IPCEF1: variants seen among roughly 807,000 people sequenced by gnomAD.
IPCEF1 encodes the protein interaction protein for cytohesin exchange factors 1.
IPCEF1 carries 31 observed loss-of-function variants against 50.9 expected under a neutral mutation model. The observed-to-expected ratio is 0.61, with a 90% CI of 0.46 to 0.82. IPCEF1 has a LOEUF of 0.82. Ranked by LOEUF, IPCEF1 falls within the 40% of genes least tolerant of loss-of-function variation. IPCEF1 has a pLI of 0.00. For synonymous variants in IPCEF1, 181 were observed against 192.0 expected (o/e 0.94, Z 0.47); for missense variants, 458 against 514.0 (o/e 0.89, Z 1.05).
intron 1 of IPCEF1, among the ~76,000 whole-genome samples, chr6:154,316,698 C>CA (rs1783228210): frequency 6.6e-6 from 1 of 152,134 alleles, no homozygotes; most frequent in South Asian, 2.1e-4. Flanking sequence ...TATTGTACAG[C>CA]ATGGTAAGTA....
chr6:154,169,107 T>A (rs1799666737), intron 10 of IPCEF1, among the ~76,000 whole-genome samples: 1 of 146,352 alleles, frequency 6.8e-6, no homozygotes, highest in Admixed American at 6.8e-5. Flanking sequence ...ACGCCTGTAA[T>A]CCCAACACTT....
chr6:154,324,422 T>C (rs1308857529), intron 1 of IPCEF1, among the ~76,000 whole-genome samples: 1 of 151,922 alleles, frequency 6.6e-6, no homozygotes, highest in Non-Finnish European at 1.5e-5. Context: ...AATAATAAAA[T>C]AAATACATAA....
intron 5 of IPCEF1, among the ~76,000 whole-genome samples, chr6:154,237,829 T>G (rs544179899): frequency 6.6e-6 from 1 of 152,096 alleles, no homozygotes; most frequent in South Asian, 2.1e-4. Context: ...CATATCTATA[T>G]ATATGTTAAT....
intron 10 of IPCEF1, among the ~76,000 whole-genome samples, chr6:154,171,928 A>C (rs1041977588): frequency 2.6e-5 from 4 of 152,214 alleles, no homozygotes; most frequent in Non-Finnish European, 5.9e-5. Context: ...TTTCAATACC[A>C]CAGTATTTTT....
intron 4 of IPCEF1, 170 bp from the exon 5 acceptor site, chr6:154,246,930 C>G: frequency 4.4e-6 from 1 of 228,384 alleles, no homozygotes; most frequent in Admixed American, 1.1e-4. Flanking sequence ...TATGCAAAAC[C>G]AATGCAAAAA....
intron 1 of IPCEF1, among the ~76,000 whole-genome samples, chr6:154,340,343 C>G (rs868782013): frequency 1.3e-5 from 2 of 151,266 alleles, no homozygotes; most frequent in Admixed American, 1.3e-4. Context: ...CTCTGCCTCC[C>G]CGGTTCAAGC....
chr6:154,295,676 G>GT (rs774888763), intron 1 of IPCEF1, among the ~76,000 whole-genome samples: 1 of 152,180 alleles, frequency 6.6e-6, no homozygotes, highest in Non-Finnish European at 1.5e-5. Context: ...TCTCCCTCCA[G>GT]TCCAGCCTTT....
intron 3 of IPCEF1, among the ~76,000 whole-genome samples, chr6:154,253,188 CT>C (rs950806911): frequency 6.6e-6 from 1 of 151,886 alleles, no homozygotes; most frequent in Non-Finnish European, 1.5e-5. Flanking sequence ...CATTTCCTTG[CT>C]TTTTTTGTTG....
At chr6:154,335,779 A>T (rs187823350) in intron 1 of IPCEF1, among the ~76,000 whole-genome samples, 54 of 152,328 alleles carry the variant, frequency 3.5e-4, no homozygotes, top group Admixed American at 2.4e-3. Flanking sequence ...ATAACAAGGA[A>T]CTCACTCAAA....
chr6:154,275,240 C>A (rs867125024), intron 2 of IPCEF1, among the ~76,000 whole-genome samples: 22 of 152,188 alleles, frequency 1.4e-4, no homozygotes, highest in Non-Finnish European at 2.9e-4. Context: ...CTCCAGGAGC[C>A]ACCTCAAAAG....
chr6:154,194,786 A>C (rs1382563646), intron 10 of IPCEF1, among the ~76,000 whole-genome samples: 1 of 149,598 alleles, frequency 6.7e-6, no homozygotes, highest in African/African-American at 2.5e-5. Flanking sequence ...ATGACAACTC[A>C]TAGAGATCTT....
At chr6:154,325,060 G>C (rs1427120730) in intron 1 of IPCEF1, among the ~76,000 whole-genome samples, 1 of 152,100 alleles carries the variant, frequency 6.6e-6, no homozygotes, top group Non-Finnish European at 1.5e-5. Flanking sequence ...AAAGCTTAAA[G>C]AGGCAGTTCA....
intron 11 of IPCEF1, 47 bp from the exon 12 acceptor site, chr6:154,160,087 T>C: frequency 7.2e-7 from 1 of 1,396,778 alleles, no homozygotes; most frequent in Non-Finnish European, 1.0e-6. Context: ...GAGAGTGTCT[T>C]AATTTACATA....
chr6:154,222,956 G>T (rs1247278866), intron 6 of IPCEF1: 11 of 584,416 alleles, frequency 1.9e-5, no homozygotes, highest in Non-Finnish European at 3.4e-5. Flanking sequence ...CTTCGTGGGG[G>T]TTTTAAAATC....
intron 5 of IPCEF1, among the ~76,000 whole-genome samples, chr6:154,238,334 C>A (rs892513082): frequency 5.9e-5 from 9 of 152,290 alleles, no homozygotes; most frequent in Admixed American, 2.0e-4. Context: ...CGGCTCACTG[C>A]AACCTCTGCC....
At chr6:154,347,923 T>C (rs1784062754) in intron 1 of IPCEF1, among the ~76,000 whole-genome samples, 1 of 152,114 alleles carries the variant, frequency 6.6e-6, no homozygotes, top group African/African-American at 2.4e-5. Flanking sequence ...ACAAAGAGGA[T>C]GCAATGCCCG....
chr6:154,168,580 G>A lies in IPCEF1; in HGVS notation c.911-467C>T, dbSNP rs1313379584. Among the ~76,000 whole-genome samples, 3 of 152,054 alleles carry A rather than the reference G, an allele frequency of 2.0e-5. No individual in the cohort carries two copies. Among genetic ancestry groups the A allele is most frequent in the African/African-American group, 4.8e-5 (2 of 41,470 alleles). On this transcript the variant is annotated intron_variant, in intron 10 of 11. Coordinates refer to ENST00000367220, the MANE Select transcript of IPCEF1 (RefSeq NM_001130700.2). The surrounding 1 kb of genome is among the most constrained non-coding windows in gnomAD (Gnocchi z 4.1). The stretch of plus-strand genomic sequence containing the variant: ...ATTAGGGGTTAGGACGTCAACATAC[G>A]AATTTTATTAATTAATTAATTAATT...
chr6:154,221,142 A>C, intron 7 of IPCEF1, 115 bp downstream of exon 7: 1 of 746,050 alleles, frequency 1.3e-6, no homozygotes. Flanking sequence ...ATTAATCCTT[A>C]AAGTAACAGA....
intron 10 of IPCEF1, among the ~76,000 whole-genome samples, chr6:154,171,138 C>T (rs573737097): frequency 9.9e-4 from 151 of 152,272 alleles, no homozygotes; most frequent in African/African-American, 3.5e-3. Flanking sequence ...GAATTGAAAA[C>T]ATATATTCAC....
Sources: gnomAD v4.1 joint callset for allele counts (sites outside exome capture counted in the v4.1 genomes callset) on GRCh38, gnomAD v4.1.1 for gene constraint, Gnocchi (gnomAD v3.1) non-coding constraint, MANE v1.5 for transcripts, NCBI Gene and HGNC (gene_info 2026-07-23, HGNC 2026-07-21) for gene names.